The following CSMD1 variants were observed in gnomAD, a reference collection of about 807,000 sequenced individuals.
The protein encoded by CSMD1 is CUB and Sushi multiple domains 1.
CSMD1 carries 213 observed loss-of-function variants against 417.5 expected under a neutral mutation model. The ratio of observed to expected loss-of-function variants is 0.51; its 90% CI spans 0.46 to 0.57. The LOEUF (loss-of-function observed/expected upper bound fraction) is 0.57. Ranked by LOEUF, CSMD1 falls within the 20% of genes least tolerant of loss-of-function variation. The pLI is 0.00. For missense variants in CSMD1, 6,923 were observed against 4,529.7 expected, an observed-to-expected ratio of 1.53 and a Z score of -15.17; for synonymous variants, 2,862 against 1,736.8, an observed-to-expected ratio of 1.65 and a Z score of -16.11.
chr8:3,504,788 T>C (rs1168519751), intron 10 of CSMD1, among the ~76,000 whole-genome samples: 4 of 152,092 alleles, frequency 2.6e-5, no homozygotes, highest in Admixed American at 1.3e-4. Flanking sequence ...GATGAAGAAA[T>C]TGTGGATGCT....
rs528082378 is a variant in CSMD1, at chr8:4,569,187, C to G, written c.302+68155G>C. 8.5e-5 allele frequency among the ~76,000 whole-genome samples: 13 copies of G among 152,238 alleles called. 1 individual carries two copies. The South Asian group carries it at 2.1e-3, about 24-fold the overall frequency. On this transcript the variant is annotated intron_variant, in intron 2 of 69. Transcript: ENST00000635120. The stretch of plus-strand genomic sequence containing the variant: ...TCAATTCTGGCTTTTGTTGCCATTT[C>G]TTTTGGTGTTTTAGTCATGAAGTCT...
At chr8:4,894,027 CTT>C (rs1804309599) in intron 1 of CSMD1, among the ~76,000 whole-genome samples, 1 of 151,916 alleles carries the variant, frequency 6.6e-6, no homozygotes, top group African/African-American at 2.4e-5. Context: ...TGGATTTTCT[CTT>C]TGATTTATTT....
chr8:3,305,571 C>T (rs1229460226), intron 25 of CSMD1, among the ~76,000 whole-genome samples: 1 of 151,244 alleles, frequency 6.6e-6, no homozygotes, highest in East Asian at 1.9e-4. Flanking sequence ...AGTGTACTTC[C>T]TTGCTATGTG....
chr8:3,063,921 T>C lies in CSMD1; in HGVS notation c.7475-11274A>G, dbSNP rs562324214. Reference sequence around the variant, plus strand: ...CAGTGGTGATGATTATACAACCTTGTTAATGTACTTAACACCACTGAACTG... The same window carrying C: ...CAGTGGTGATGATTATACAACCTTGCTAATGTACTTAACACCACTGAACTG... On this transcript the variant is annotated intron_variant, in intron 49 of 69. Coordinates refer to ENST00000635120, the MANE Select transcript of CSMD1 (RefSeq NM_033225.6). Among the ~76,000 whole-genome samples, 4 of 152,172 alleles carry C rather than the reference T, an allele frequency of 2.6e-5. No homozygotes were observed. In the South Asian group the frequency reaches 8.3e-4, roughly 32 times the overall value.
At chr8:4,255,239 C>G (rs1171503971) in intron 3 of CSMD1, among the ~76,000 whole-genome samples, 2 of 152,250 alleles carry the variant, frequency 1.3e-5, no homozygotes, top group South Asian at 4.2e-4. Context: ...ATGGATTTGA[C>G]TAAAATTTTA....
intron 3 of CSMD1, among the ~76,000 whole-genome samples, chr8:4,156,207 C>T (rs73508804): frequency 0.077 from 11,762 of 152,168 alleles, 797 homozygotes; most frequent in African/African-American, 0.18. Context: ...GGACTGGGAT[C>T]ACTGTGATAT....
intron 3 of CSMD1, among the ~76,000 whole-genome samples, chr8:4,309,412 G>T (rs1193564251): frequency 6.6e-6 from 1 of 151,902 alleles, no homozygotes; most frequent in Non-Finnish European, 1.5e-5. Context: ...TTGGAAATTT[G>T]AAAGAAATTA....
intron 22 of CSMD1, 54 bp downstream of exon 22, chr8:3,347,938 G>T (rs73173112): frequency 0.17 from 211,664 of 1,257,472 alleles, 18,463 homozygotes; most frequent in Middle Eastern, 0.2. Context: ...GATAGACAAT[G>T]TATTTTTTGA....
chr8:3,781,344 C>G (rs183924695), intron 5 of CSMD1, among the ~76,000 whole-genome samples: 1 of 152,140 alleles, frequency 6.6e-6, no homozygotes, highest in Admixed American at 6.5e-5. Flanking sequence ...ACTCATTGAA[C>G]ACGGAGTCTA....
chr8:4,021,877 C>A (rs1349998793), intron 4 of CSMD1, among the ~76,000 whole-genome samples: 1 of 151,980 alleles, frequency 6.6e-6, no homozygotes, highest in Non-Finnish European at 1.5e-5. Flanking sequence ...ATCCCCCTCT[C>A]TAGCTTGTAA....
intron 3 of CSMD1, among the ~76,000 whole-genome samples, chr8:4,362,731 G>C (rs992641767): frequency 1.3e-5 from 2 of 152,132 alleles, no homozygotes; most frequent in Non-Finnish European, 2.9e-5. Flanking sequence ...TCTTTACATT[G>C]TTGTGTAATC....
intron 3 of CSMD1, among the ~76,000 whole-genome samples, chr8:4,377,022 T>C (rs1802792685): frequency 6.6e-6 from 1 of 152,158 alleles, no homozygotes; most frequent in African/African-American, 2.4e-5. Flanking sequence ...CAGTGGCAAG[T>C]GGGATGGCCT....
chr8:4,151,400 T>G (rs929341024), intron 3 of CSMD1, among the ~76,000 whole-genome samples: 4 of 152,178 alleles, frequency 2.6e-5, no homozygotes, highest in African/African-American at 9.7e-5. Context: ...CCAAGAAAAA[T>G]ACTCTTTAAA....
At chr8:4,851,273 G>C (rs1199211132) in intron 1 of CSMD1, among the ~76,000 whole-genome samples, 1 of 151,948 alleles carries the variant, frequency 6.6e-6, no homozygotes, top group Non-Finnish European at 1.5e-5. Flanking sequence ...CAAAGGACAT[G>C]AACTCATCAT....
At chr8:4,151,113 G>T (rs908960839) in intron 3 of CSMD1, among the ~76,000 whole-genome samples, 1 of 152,144 alleles carries the variant, frequency 6.6e-6, no homozygotes, top group South Asian at 2.1e-4. Flanking sequence ...CCCAGCAGAA[G>T]ATATTAGGAT....
chr8:3,382,530 AAT>A (rs950614519), intron 18 of CSMD1, among the ~76,000 whole-genome samples: 2 of 123,566 alleles, frequency 1.6e-5, no homozygotes, highest in Admixed American at 9.4e-5. Context: ...AATTTATATA[AAT>A]ATATATTTAT....
intron 65 of CSMD1, among the ~76,000 whole-genome samples, chr8:2,953,472 T>G (rs1354322645): frequency 6.8e-6 from 1 of 147,914 alleles, no homozygotes; most frequent in Admixed American, 6.7e-5. Flanking sequence ...AAAAAAACAG[T>G]GTTAAAACCT....
intron 57 of CSMD1, among the ~76,000 whole-genome samples, chr8:2,972,212 G>C (rs190630844): frequency 3.3e-5 from 5 of 152,062 alleles, no homozygotes; most frequent in African/African-American, 1.2e-4. Context: ...AAAGGCAGAA[G>C]TGGAGACAGT....
chr8:3,336,989 T>C (rs1409837848), intron 23 of CSMD1, among the ~76,000 whole-genome samples: 1 of 152,146 alleles, frequency 6.6e-6, no homozygotes, highest in Non-Finnish European at 1.5e-5. Flanking sequence ...CTATATAAAT[T>C]AGACAGGAGC....
Sources: allele counts gnomAD v4.1 joint callset (sites outside exome capture counted in the v4.1 genomes callset), GRCh38; gene constraint gnomAD v4.1.1; transcripts MANE v1.5; gene names NCBI Gene and HGNC (gene_info 2026-07-23, HGNC 2026-07-21).